The following COL6A3 variants were observed in gnomAD, a reference collection of about 807,000 sequenced individuals.
COL6A3 encodes the protein collagen alpha-3(VI) chain.
In COL6A3, 137 loss-of-function variants were observed where a neutral mutation model predicts 274.1. The ratio of observed to expected loss-of-function variants is 0.50; its 90% CI spans 0.44 to 0.58. COL6A3 has a LOEUF of 0.58. COL6A3 is among the 20% of genes least tolerant of loss of function. COL6A3 has a pLI of 0.00. For synonymous variants in COL6A3, 1,650 were observed against 1,650.6 expected (o/e 1.00, Z 0.01); for missense variants, 3,950 against 4,124.9 (o/e 0.96, Z 1.16).
rs756655833 is a variant in COL6A3, at chr2:237,377,382, GAGCATAAC to G, written c.2498-46_2498-39del. The G allele has an allele frequency of 1.9e-6, 3 of 1,590,610 alleles. No homozygotes were observed. In the South Asian group the frequency reaches 3.3e-5, roughly 18 times the overall value. On this transcript the variant is annotated intron_variant, in intron 6 of 43. Coordinates refer to ENST00000295550, the MANE Select transcript of COL6A3 (RefSeq NM_004369.4). ...TAGATTAGGATACAATGAGGGACGA[GAGCATAAC>G]AGGAACCAAAGCGACTTCAGCCCAG...
At chr2:237,376,047 C>A (rs972638824) in intron 7 of COL6A3, among the ~76,000 whole-genome samples, 4 of 152,146 alleles carry the variant, frequency 2.6e-5, no homozygotes, top group African/African-American at 9.7e-5. Flanking sequence ...AGCATTTTAT[C>A]GATGGGAGGT....
At chr2:237,341,543 T>TAAAAAAAAAAA (rs71039760) in intron 37 of COL6A3, among the ~76,000 whole-genome samples, 6 of 49,118 alleles carry the variant, frequency 1.2e-4, no homozygotes, top group African/African-American at 3.6e-4. Flanking sequence ...AGACTCTGTC[T>TAAAAAAAAAAA]AAAAAAAAAA....
intron 5 of COL6A3, among the ~76,000 whole-genome samples, chr2:237,379,909 T>A (rs1266850181): frequency 6.6e-6 from 1 of 152,250 alleles, no homozygotes; most frequent in Non-Finnish European, 1.5e-5. Context: ...AGGAGACTAG[T>A]TGCTAGGCTT....
At position 237,394,854 on chromosome 2, in the gene COL6A3, C is replaced by T. The variant is rs752288043; in HGVS notation, c.442G>A (p.Val148Met). 6 of 1,613,332 alleles carry T rather than the reference C, an allele frequency of 3.7e-6. No individual in the cohort carries two copies. The highest frequency in any genetic ancestry group is 2.2e-5 in the East Asian group (1 of 44,880). ...TCCTTCGAGTGTCCATCAGTTAACA[C>T]TACGATAACCTGAGGGACTCCGTCA... ...AGDGVPQVIV[V>M]LTDGHSKDGL... The change falls in exon 3 of 44, where the codon GTG (valine) becomes ATG (methionine). Residue 148 changes from valine to methionine, a missense_variant. This residue lies in a region of COL6A3 where 1,934 missense variants were observed against 1,984.3 expected (regional missense o/e 0.97). Coordinates refer to ENST00000295550, the MANE Select transcript of COL6A3 (RefSeq NM_004369.4).
chr2:237,396,121 A>G (rs940741525), intron 2 of COL6A3, among the ~76,000 whole-genome samples: 10 of 152,336 alleles, frequency 6.6e-5, no homozygotes, highest in Non-Finnish European at 1.3e-4. Context: ...TGGGTCAAGG[A>G]GAGGGAGACC....
rs116256579 is a variant in COL6A3, at chr2:237,377,034, G to T, written c.2808C>A (p.Ile936=). ...YIFVKSAGSR[I]EDGVLQFLVL... is the part of the protein sequence containing the mutation. ...CCAGGAACTGAAGCACTCCATCCTC[G>T]ATCCGGCTGCCAGCAGACTTCACAA... The change falls in exon 7 of 44, where the codon ATC becomes ATA. Residue 936 remains isoleucine (I), a synonymous_variant. Transcript: ENST00000295550. The T allele has an allele frequency of 6.2e-7, 1 of 1,614,166 alleles. No homozygotes were observed.
intron 26 of COL6A3, among the ~76,000 whole-genome samples, chr2:237,351,462 T>C (rs2077204918): frequency 2.0e-5 from 3 of 152,252 alleles, no homozygotes; most frequent in Admixed American, 1.3e-4. Flanking sequence ...GTTATTAATG[T>C]ACATATCCTA....
At chr2:237,412,577 ATC>A (rs2078883309) in intron 1 of COL6A3, among the ~76,000 whole-genome samples, 1 of 152,230 alleles carries the variant, frequency 6.6e-6, no homozygotes, top group South Asian at 2.1e-4. Flanking sequence ...CTCTTCCATT[ATC>A]TTTAGCCCAA....
intron 2 of COL6A3, among the ~76,000 whole-genome samples, chr2:237,395,609 G>A (rs761238245): frequency 2.0e-5 from 3 of 152,064 alleles, no homozygotes; most frequent in Non-Finnish European, 4.4e-5. Context: ...TCTTTAGTTT[G>A]GAATACAAAA....
chr2:237,354,571 T>C (rs1459513526), intron 24 of COL6A3, among the ~76,000 whole-genome samples: 1 of 152,206 alleles, frequency 6.6e-6, no homozygotes, highest in African/African-American at 2.4e-5. Context: ...TATCTACCTA[T>C]GACCTGGAAG....
At chr2:237,369,890 T>A (rs2077645372) in intron 9 of COL6A3, among the ~76,000 whole-genome samples, 1 of 151,660 alleles carries the variant, frequency 6.6e-6, no homozygotes, top group Non-Finnish European at 1.5e-5. Context: ...CAGGCTGGAG[T>A]GCAGTTGCAC....
In COL6A3 at chr2:237,365,716, G is replaced by A. The variant is rs113542401; in HGVS notation, c.5820C>T (p.Ser1940=). The change falls in exon 12 of 44, where the codon TCC becomes TCT. Residue 1940 remains serine, a synonymous_variant. Coordinates refer to ENST00000295550, the MANE Select transcript of COL6A3 (RefSeq NM_004369.4). ...LKVYLNKFRQ[S]SPDSVKVVIH... ...CACAGACCTTCACGCTGTCCGGCGAGGACTGTCTGAACTTGTTCAGGTAGA... is the reference window on the plus strand; with the variant it reads ...CACAGACCTTCACGCTGTCCGGCGAAGACTGTCTGAACTTGTTCAGGTAGA... 4.9e-4 allele frequency: 786 copies of A among 1,614,210 alleles called. 2 individuals carry two copies. The African/African-American group carries it at 9.6e-3, about 20-fold the overall frequency.
chr2:237,346,840 C>T (rs1290131109), intron 31 of COL6A3, among the ~76,000 whole-genome samples: 1 of 152,010 alleles, frequency 6.6e-6, no homozygotes, highest in East Asian at 1.9e-4. Context: ...CCAAGAACCA[C>T]TAATATGATT....
intron 3 of COL6A3, among the ~76,000 whole-genome samples, chr2:237,393,129 T>G (rs533508536): frequency 5.3e-5 from 8 of 152,222 alleles, no homozygotes; most frequent in African/African-American, 1.9e-4. Flanking sequence ...ATTTCCTTAC[T>G]GAGAAAATTT....
At chr2:237,357,484 G>A (rs1017431619) in intron 22 of COL6A3, 93 bp from the exon 23 acceptor site, 84 of 1,180,852 alleles carry the variant, frequency 7.1e-5, no homozygotes, top group Non-Finnish European at 1.0e-4. Context: ...GAAAGGGGTC[G>A]ATTCACAGAG....
At position 237,379,105 on chromosome 2, in the gene COL6A3, A is replaced by C; in HGVS notation, c.2028T>G (p.Ile676Met). The change falls in exon 6 of 44, where the codon ATT becomes ATG. Residue 676 changes from isoleucine (I) to methionine (M), a missense_variant. By Grantham distance (10) the Ile-to-Met change is conservative. Around this residue, in one of 5 missense-constraint regions of COL6A3, gnomAD observed 1,934 missense variants for 1,984.3 expected, o/e 0.97. Coordinates refer to ENST00000295550, the MANE Select transcript of COL6A3 (RefSeq NM_004369.4). Reference sequence around the variant, plus strand: ...CACTAAATTGCACTAAACCAACACGAATATTGTCATTTCCAATATCAAGGC... The same window carrying C: ...CACTAAATTGCACTAAACCAACACGCATATTGTCATTTCCAATATCAAGGC... ...VNSLDIGNDN[I>M]RVGLVQFSDT... 6.2e-7 allele frequency: 1 copy of C among 1,614,230 alleles called. No homozygotes were observed. Among genetic ancestry groups the C allele is most frequent in the Non-Finnish European group, 8.5e-7 (1 of 1,180,038 alleles).
At position 237,340,626 on chromosome 2, in the gene COL6A3, A is replaced by C. The variant is rs779036168; in HGVS notation, c.8290T>G (p.Cys2764Gly). The change falls in exon 38 of 44, where the codon TGC becomes GGC. Residue 2764 changes from cysteine (C) to glycine (G), a missense_variant. This residue lies in a region of COL6A3 where 1,284 missense variants were observed against 1,349.7 expected (regional missense o/e 0.95). Transcript: ENST00000295550. ...AGGACCACGAAGAAGTAGCCCTTGCATTTGGCCTGCAGGATGACTCTCTGG... is the reference window on the plus strand; with the variant it reads ...AGGACCACGAAGAAGTAGCCCTTGCCTTTGGCCTGCAGGATGACTCTCTGG... ...EAQRVILQAK[C>G]KGYFFVVLGI... The C allele has an allele frequency of 1.2e-6, 2 of 1,614,158 alleles. No individual in the cohort carries two copies. The highest frequency in any genetic ancestry group is 3.3e-5 in the Admixed American group (2 of 60,028).
chr2:237,365,313 C>G (rs1046021998), intron 12 of COL6A3, among the ~76,000 whole-genome samples: 5 of 151,766 alleles, frequency 3.3e-5, no homozygotes, highest in Non-Finnish European at 7.4e-5. Context: ...TCATGATGAT[C>G]CCTAGCAAAC....
rs113716915 is a variant in COL6A3 at position 237,387,663 on chromosome 2, G to C, written c.1231C>G (p.Leu411Val). ...TVPEFRSFGD[L>V]QEKLLPYIVG... ...ATGTACGGCAGTAATTTCTCCTGGA[G>C]GTCCCCAAAGCTACGGAATTCCGGG... Residue 411 changes from leucine (L) to valine (V), a missense_variant, in exon 4 of 44, where the codon CTC becomes GTC. By Grantham distance (32) the Leu-to-Val change is conservative. Transcript: ENST00000295550. 8,637 of 1,613,786 alleles carry C rather than the reference G, an allele frequency of 5.4e-3. 39 individuals carry two copies. The highest frequency in any genetic ancestry group is 6.2e-3 in the Non-Finnish European group (7,337 of 1,179,844).
Sources: gnomAD v4.1 joint callset for allele counts (sites outside exome capture counted in the v4.1 genomes callset) on GRCh38, gnomAD v4.1.1 for gene constraint, gnomAD v4.1.1 regional missense constraint, MANE v1.5 for transcripts, NCBI Gene and HGNC (gene_info 2026-07-23, HGNC 2026-07-21) for gene names.